Variants in PPP1R9B observed in about 807,000 individuals in gnomAD.
PPP1R9B encodes protein phosphatase 1 regulatory subunit 9B.
In PPP1R9B, 17 loss-of-function variants were observed where a neutral mutation model predicts 75.8. That is an observed-to-expected ratio of 0.22 (90% CI 0.15 to 0.34). The LOEUF (loss-of-function observed/expected upper bound fraction) is 0.34, where lower values mean the gene tolerates loss of function less well. PPP1R9B is among the 10% of genes least tolerant of loss of function. The pLI is 1.00. For missense variants in PPP1R9B, 875 were observed against 1,196.0 expected (o/e 0.73, Z 3.96); for synonymous variants, 509 against 535.4 (o/e 0.95, Z 0.68).
At chr17:50,144,035 T>A (rs895471312) in intron 2 of PPP1R9B, among the ~76,000 whole-genome samples, 1 of 151,728 alleles carries the variant, frequency 6.6e-6, no homozygotes, top group Non-Finnish European at 1.5e-5. Context: ...AGGATGGGGG[T>A]AGCCAGGATG....
At position 50,135,229 on chromosome 17, in the gene PPP1R9B, C is replaced by G; in HGVS notation, c.*102G>C. ...TGGAGGGGTGGGGGGAGTCGGGGCACCTGTCCCCAGGCTGGAAGGGGGAGG... is the reference window on the plus strand; with the variant it reads ...TGGAGGGGTGGGGGGAGTCGGGGCAGCTGTCCCCAGGCTGGAAGGGGGAGG... On this transcript the variant is annotated 3_prime_UTR_variant, in exon 10 of 10. Coordinates refer to ENST00000612501, the MANE Select transcript of PPP1R9B (RefSeq NM_032595.5). The G allele has an allele frequency of 1.0e-6, 1 of 982,360 alleles. No individual in the cohort carries two copies. The highest frequency in any genetic ancestry group is 1.8e-5 in the Admixed American group (1 of 55,828). The allele number at this position is 982,360 out of a possible 1,614,324, so 60.9% of individuals were successfully genotyped here.
rs1912375256 is a variant in PPP1R9B, at chr17:50,141,435, C to T, written c.1626-62G>A. ...ACCGAGGAGCGAGGGTAGAGGTAGC[C>T]TCCTCCCATCAGAAACTCCAGGCTC... On this transcript the variant is annotated intron_variant, in intron 3 of 9. Transcript: ENST00000612501. The T allele has an allele frequency of 2.0e-5, 22 of 1,114,308 alleles. No individual in the cohort carries two copies. The South Asian group carries it at 2.3e-4, about 11-fold the overall frequency. The allele number at this position is 1,114,308 out of a possible 1,614,324, so 69.0% of individuals were successfully genotyped here. A position where few individuals can be genotyped will look rare whatever the true frequency, so the allele number is the denominator to read the frequency against.
chr17:50,148,563 G>A (rs563675444), intron 1 of PPP1R9B, among the ~76,000 whole-genome samples: 2 of 152,230 alleles, frequency 1.3e-5, no homozygotes, highest in East Asian at 1.9e-4. Flanking sequence ...TCACCCTCAC[G>A]ATCTGCTTCC....
rs1912620237 is a variant in PPP1R9B at position 50,149,480 on chromosome 17, T to G, written c.1034A>C (p.Glu345Ala). Reference sequence around the variant, plus strand: ...CTCCGGGGCCGCTTGGGCCTTTGGCTCCTCGGGCGCGGGGCTGGCTGCAGT... The same window carrying G: ...CTCCGGGGCCGCTTGGGCCTTTGGCGCCTCGGGCGCGGGGCTGGCTGCAGT... ...VATAASPAPE[E>A]PKAQAAPEKE... The change falls in exon 1 of 10, where the codon GAG (glutamate) becomes GCG (alanine). Residue 345 changes from glutamate (E) to alanine (A), a missense_variant. Around this residue, in one of 4 missense-constraint regions of PPP1R9B, gnomAD observed 449 missense variants for 475.0 expected, o/e 0.95. Coordinates refer to ENST00000612501, the MANE Select transcript of PPP1R9B (RefSeq NM_032595.5). The surrounding 1 kb of genome is among the most constrained non-coding windows in gnomAD (Gnocchi z 7.2). 2.5e-6 allele frequency: 4 copies of G among 1,601,440 alleles called. No homozygotes were observed. Among genetic ancestry groups the G allele is most frequent in the Middle Eastern group, 1.7e-4 (1 of 5,956 alleles).
At position 50,135,291 on chromosome 17, in the gene PPP1R9B, G is replaced by A; in HGVS notation, c.*40C>T. 6.4e-7 allele frequency: 1 copy of A among 1,555,528 alleles called. No homozygotes were observed. ...GAGGACAGGGGAGGGAGGACAATGG[G>A]AGGGGGGTTAATTATTGTCCAGTCA... On this transcript the variant is annotated 3_prime_UTR_variant, in exon 10 of 10. Transcript: ENST00000612501.
At chr17:50,138,267 T>G (rs1411510435) in intron 7 of PPP1R9B, among the ~76,000 whole-genome samples, 1 of 152,110 alleles carries the variant, frequency 6.6e-6, no homozygotes, top group Non-Finnish European at 1.5e-5. Flanking sequence ...ATGCATGCCC[T>G]GTGACACTCT....
intron 4 of PPP1R9B, 33 bp from the exon 5 acceptor site, chr17:50,140,261 GTCC>G (rs766130592): frequency 1.3e-6 from 2 of 1,568,540 alleles, no homozygotes; most frequent in Non-Finnish European, 1.7e-6. Flanking sequence ...CGCTGCCTCT[GTCC>G]TCAGCCAGGT....
At position 50,150,487 on chromosome 17, in the gene PPP1R9B, G is replaced by T; in HGVS notation, c.27C>A (p.Pro9=). 1 of 1,361,636 alleles carries T rather than the reference G, an allele frequency of 7.3e-7. No homozygotes were observed. The highest frequency in any genetic ancestry group is 9.5e-7 in the Non-Finnish European group (1 of 1,053,214). 84.3% of individuals were successfully genotyped at this position (1,361,636 alleles called of 1,614,324 possible). MMKTEPRG[P]GGPLRSASPH... ...GGGAGGCGCTCCGGAGGGGACCCCC[G>T]GGCCCCCGTGGCTCCGTCTTCATCA... is the stretch of plus-strand genomic sequence containing the variant. Residue 9 remains proline (P), a synonymous_variant, in exon 1 of 10, where the codon CCC becomes CCA. Transcript: ENST00000612501. The surrounding 1 kb of genome is among the most constrained non-coding windows in gnomAD (Gnocchi z 8.7).
chr17:50,138,642 A>G (rs1445297318), intron 7 of PPP1R9B, among the ~76,000 whole-genome samples: 1 of 151,972 alleles, frequency 6.6e-6, no homozygotes, highest in Non-Finnish European at 1.5e-5. Flanking sequence ...CTTTTGACAC[A>G]TGGTCTCATT....
In PPP1R9B at chr17:50,134,798, G is replaced by A. The variant is rs894136043; in HGVS notation, c.*533C>T. 1 of 163,674 alleles carries A rather than the reference G, an allele frequency of 6.1e-6. No homozygotes were observed. The allele number at this position is 163,674 out of a possible 1,614,324, so 10.1% of individuals were successfully genotyped here. On this transcript the variant is annotated 3_prime_UTR_variant, in exon 10 of 10. Coordinates refer to ENST00000612501, the MANE Select transcript of PPP1R9B (RefSeq NM_032595.5). ...GGAACAGGGATGGGGGAGGTGTTGA[G>A]GCAACGCCCCCACCCCCCAGGCGGG...
In PPP1R9B at chr17:50,135,248, G is replaced by C; in HGVS notation, c.*83C>G. The C allele has an allele frequency of 8.4e-7, 1 of 1,191,690 alleles. No homozygotes were observed. The highest frequency in any genetic ancestry group is 1.7e-5 in the Admixed American group (1 of 58,966). The allele number at this position is 1,191,690 out of a possible 1,614,324, so 73.8% of individuals were successfully genotyped here. ...GGGGCACCTGTCCCCAGGCTGGAAG[G>C]GGGAGGGGTGGGGTGTTGAGGACAG... On this transcript the variant is annotated 3_prime_UTR_variant, in exon 10 of 10. Transcript: ENST00000612501.
rs767890854 is a variant in PPP1R9B, at chr17:50,139,405, A to G, written c.2019+24T>C. The G allele has an allele frequency of 6.2e-7, 1 of 1,611,838 alleles. No individual in the cohort carries two copies. The highest frequency in any genetic ancestry group is 1.1e-5 in the South Asian group (1 of 91,056). On this transcript the variant is annotated intron_variant, in intron 6 of 9. Coordinates refer to ENST00000612501, the MANE Select transcript of PPP1R9B (RefSeq NM_032595.5). This position sits in a 1 kb window ranked among gnomAD's most constrained non-coding sequence, Gnocchi z 5.0. ...AGACCTGCCTGCCTTTCCCTCCACC[A>G]CTCCAGGGAGCCCCTCCTCCCACCT... is the stretch of plus-strand genomic sequence containing the variant.
rs2144463552 is a variant in PPP1R9B at position 50,150,540 on chromosome 17, C to T, written c.-27G>A. The T allele has an allele frequency of 2.3e-6, 3 of 1,291,446 alleles. No individual in the cohort carries two copies. Among genetic ancestry groups the T allele is most frequent in the Non-Finnish European group, 2.9e-6 (3 of 1,018,926 alleles). The allele number at this position is 1,291,446 out of a possible 1,614,324, so 80.0% of individuals were successfully genotyped here. A position where few individuals can be genotyped will look rare whatever the true frequency, so the allele number is the denominator to read the frequency against. On this transcript the variant is annotated 5_prime_UTR_variant, in exon 1 of 10. Transcript: ENST00000612501. This position sits in a 1 kb window ranked among gnomAD's most constrained non-coding sequence, Gnocchi z 8.7. ...GTGGGGGGAGCCGGGTTCGCATGCC[C>T]CTGCTCCCCGCTCCCCCGCTTCAAC...
At chr17:50,136,641 G>A (rs1325273395) in intron 7 of PPP1R9B, among the ~76,000 whole-genome samples, 3 of 151,994 alleles carry the variant, frequency 2.0e-5, no homozygotes, top group African/African-American at 4.8e-5. Flanking sequence ...AGCCCTGCTC[G>A]CCAGTCTCTG....
rs547387148 is a variant in PPP1R9B, at chr17:50,146,492, G to A, written c.1372-1247C>T. On this transcript the variant is annotated intron_variant, in intron 1 of 9. Coordinates refer to ENST00000612501, the MANE Select transcript of PPP1R9B (RefSeq NM_032595.5). ...AGCAGACCTTGTGGGCACCCTGGTG[G>A]GCAGCAGCACTCTCGTGTCCCAGCC... 3.9e-3 allele frequency among the ~76,000 whole-genome samples: 589 copies of A among 152,270 alleles called. 6 individuals carry two copies. Among genetic ancestry groups the A allele is most frequent in the African/African-American group, 0.014 (566 of 41,542 alleles).
At chr17:50,147,930 G>A (rs1321692255) in intron 1 of PPP1R9B, among the ~76,000 whole-genome samples, 1 of 152,192 alleles carries the variant, frequency 6.6e-6, no homozygotes, top group Non-Finnish European at 1.5e-5. Context: ...TTATGGAAAC[G>A]ACAAGCAAAC....
At chr17:50,143,787 T>C in intron 2 of PPP1R9B, 69 bp from the exon 3 acceptor site, 1 of 1,596,252 alleles carries the variant, frequency 6.3e-7, no homozygotes, top group Non-Finnish European at 8.6e-7. Context: ...CACCCCGAAT[T>C]CCAGGGCACA....
At chr17:50,135,938 G>GGCCCCCC in intron 8 of PPP1R9B, 30 bp downstream of exon 8, 1 of 1,419,240 alleles carries the variant, frequency 7.0e-7, no homozygotes, top group Non-Finnish European at 9.7e-7. Flanking sequence ...TGCTCCCTGG[G>GGCCCCCC]CCCAGCCCGC....
At position 50,142,397 on chromosome 17, in the gene PPP1R9B, C is replaced by A. The variant is rs1863788763; in HGVS notation, c.1626-1024G>T. Among the ~76,000 whole-genome samples, 1 of 152,206 alleles carries A rather than the reference C, an allele frequency of 6.6e-6. No homozygotes were observed. Among genetic ancestry groups the A allele is most frequent in the South Asian group, 2.1e-4 (1 of 4,826 alleles). On this transcript the variant is annotated intron_variant, in intron 3 of 9. Coordinates refer to ENST00000612501, the MANE Select transcript of PPP1R9B (RefSeq NM_032595.5). The surrounding 1 kb of genome is among the most constrained non-coding windows in gnomAD (Gnocchi z 4.1). ...CCACCATGCACACTCACTCCTTAGA[C>A]AACCCACAGGCAACAATGGGAAAGG...
Sources: gnomAD v4.1 joint callset for allele counts (sites outside exome capture counted in the v4.1 genomes callset) on GRCh38, gnomAD v4.1.1 for gene constraint, gnomAD v4.1.1 regional missense constraint, Gnocchi (gnomAD v3.1) non-coding constraint, MANE v1.5 for transcripts, NCBI Gene and HGNC (gene_info 2026-07-23, HGNC 2026-07-21) for gene names.